The following KIF2A variants were observed in gnomAD, a reference collection of about 807,000 sequenced individuals.
KIF2A encodes kinesin-like protein KIF2A.
In KIF2A, 22 loss-of-function variants were observed where a neutral mutation model predicts 100.2. That is an observed-to-expected ratio of 0.22 (90% confidence interval 0.16 to 0.31). KIF2A has a LOEUF of 0.31. KIF2A is among the 10% of genes least tolerant of loss of function. The probability of loss-of-function intolerance (pLI) is 1.00; values close to 1 mark genes in which losing one functional copy is unlikely to be tolerated. For synonymous variants in KIF2A, 268 were observed against 285.9 expected (o/e 0.94, Z 0.63); for missense variants, 495 against 898.7 (o/e 0.55, Z 5.74).
intron 16 of KIF2A, among the ~76,000 whole-genome samples, chr5:62,368,397 T>C (rs374209730): frequency 7.2e-5 from 11 of 152,140 alleles, no homozygotes; most frequent in African/African-American, 2.7e-4. Context: ...CTAAAGGGAT[T>C]TTCTTAATGG....
intron 16 of KIF2A, among the ~76,000 whole-genome samples, chr5:62,371,502 TG>T (rs943093196): frequency 2.2e-4 from 34 of 152,340 alleles, no homozygotes; most frequent in Admixed American, 4.6e-4. Flanking sequence ...TCAGAGAATA[TG>T]GTTATTATAT....
At chr5:62,306,569 C>T (rs747181807) in intron 1 of KIF2A, 33 bp downstream of exon 1, 37 of 1,530,028 alleles carry the variant, frequency 2.4e-5, no homozygotes, top group East Asian at 7.5e-5. Context: ...CTGGCCCGCT[C>T]GGCCCCGTGT....
rs1747815797 is a variant in KIF2A at position 62,350,882 on chromosome 5, A to G, written c.334+762A>G. On this transcript the variant is annotated intron_variant, in intron 4 of 20. Transcript: ENST00000407818. ...AGCCAAGATCGCACGACTGCACTCC[A>G]GTCTGGGCGACAGAGCGAGACTCCA... 2.0e-5 allele frequency among the ~76,000 whole-genome samples: 3 copies of G among 151,062 alleles called. No homozygotes were observed. The South Asian group carries it at 6.3e-4, about 32-fold the overall frequency.
At chr5:62,320,652 T>C (rs2111805977) in intron 1 of KIF2A, among the ~76,000 whole-genome samples, 1 of 152,186 alleles carries the variant, frequency 6.6e-6, no homozygotes, top group East Asian at 1.9e-4. Context: ...AGAAAACACC[T>C]AAGTTCTGGT....
At chr5:62,323,006 C>T (rs1358029373) in intron 1 of KIF2A, among the ~76,000 whole-genome samples, 2 of 149,742 alleles carry the variant, frequency 1.3e-5, no homozygotes, top group Non-Finnish European at 3.0e-5. Flanking sequence ...CCTGTAATCC[C>T]AGCACTTTGG....
At chr5:62,370,451 G>A (rs1379987538) in intron 16 of KIF2A, among the ~76,000 whole-genome samples, 11 of 152,010 alleles carry the variant, frequency 7.2e-5, no homozygotes, top group East Asian at 1.9e-4. Flanking sequence ...CCGTCACCAC[G>A]CCCAGCTAAT....
intron 1 of KIF2A, among the ~76,000 whole-genome samples, chr5:62,324,603 A>G (rs1746269325): frequency 6.6e-6 from 1 of 152,208 alleles, no homozygotes; most frequent in African/African-American, 2.4e-5. Context: ...ATAGCAAGCA[A>G]CGGGGAAAGG....
chr5:62,307,345 T>A, intron 1 of KIF2A: 1 of 151,830 alleles, frequency 6.6e-6, no homozygotes, highest in East Asian at 1.9e-4. Context: ...CTGAGAAAAG[T>A]GTAAGGCGAG....
At chr5:62,313,669 A>G (rs983819747) in intron 1 of KIF2A, among the ~76,000 whole-genome samples, 7 of 152,230 alleles carry the variant, frequency 4.6e-5, no homozygotes, top group Non-Finnish European at 7.4e-5. Context: ...AGAGTTCTTA[A>G]TACAGCATTA....
intron 1 of KIF2A, chr5:62,308,288 C>CTGT (rs1420435153): frequency 4.5e-6 from 6 of 1,325,802 alleles, no homozygotes; most frequent in Non-Finnish European, 5.9e-6. Context: ...TGAAAGAGTG[C>CTGT]TGTTAATGTC....
At chr5:62,332,799 T>C (rs2111851049) in intron 1 of KIF2A, among the ~76,000 whole-genome samples, 1 of 152,306 alleles carries the variant, frequency 6.6e-6, no homozygotes. Context: ...TACAATGAGA[T>C]TAACAAATCA....
At chr5:62,345,399 G>T (rs1465374468) in intron 1 of KIF2A, among the ~76,000 whole-genome samples, 3 of 150,386 alleles carry the variant, frequency 2.0e-5, no homozygotes, top group African/African-American at 7.3e-5. Flanking sequence ...AAAAAAAAAA[G>T]AGCTGGGCAT....
At chr5:62,346,525 A>C (rs1747578826) in intron 1 of KIF2A, among the ~76,000 whole-genome samples, 1 of 152,146 alleles carries the variant, frequency 6.6e-6, no homozygotes, top group Non-Finnish European at 1.5e-5. Context: ...GGATCACTCG[A>C]GGCCAGGATT....
In KIF2A at chr5:62,358,360, G is replaced by C. The variant is rs35009; in HGVS notation, c.872+61G>C. The C allele has an allele frequency of 0.25, 266,132 of 1,075,816 alleles. 33,296 individuals are homozygous for C. Among genetic ancestry groups the C allele is most frequent in the East Asian group, 0.27 (10,141 of 37,506 alleles). 66.6% of individuals were successfully genotyped at this position (1,075,816 alleles called of 1,614,324 possible). Reference sequence around the variant, plus strand: ...TATGCCATGTGGTCATCAGCACCTTGAAATTTACATTGATTGTGGGATATT... The same window carrying C: ...TATGCCATGTGGTCATCAGCACCTTCAAATTTACATTGATTGTGGGATATT... On this transcript the variant is annotated intron_variant, in intron 9 of 20. Transcript: ENST00000407818.
chr5:62,308,180 T>G (rs1324193096), intron 1 of KIF2A: 2 of 390,156 alleles, frequency 5.1e-6, no homozygotes, highest in African/African-American at 4.1e-5. Context: ...ATTATACCGC[T>G]TAGAGCTTTA....
chr5:62,352,877 G>C (rs913922924), intron 5 of KIF2A, 167 bp downstream of exon 5: 2 of 538,784 alleles, frequency 3.7e-6, no homozygotes, highest in Non-Finnish European at 6.1e-6. Context: ...TCTGTTAATT[G>C]GGTTTTTTAA....
At position 62,355,147 on chromosome 5, in the gene KIF2A, G is replaced by C. The variant is rs1310742741; in HGVS notation, c.559-12G>C. 7 of 1,196,028 alleles carry C rather than the reference G, an allele frequency of 5.9e-6. No homozygotes were observed. The Middle Eastern group carries it at 5.9e-4, about 102-fold the overall frequency. 74.1% of individuals were successfully genotyped at this position (1,196,028 alleles called of 1,614,324 possible). ...ATATTTATAATGGTGAATTCTCTCTGTCTTCTAATAGGACGTTGATGCTAC... is the reference window on the plus strand; with the variant it reads ...ATATTTATAATGGTGAATTCTCTCTCTCTTCTAATAGGACGTTGATGCTAC... On this transcript the variant is annotated splice_polypyrimidine_tract_variant and intron_variant, in intron 6 of 20. Coordinates refer to ENST00000407818, the MANE Select transcript of KIF2A (RefSeq NM_001098511.3).
intron 20 of KIF2A, among the ~76,000 whole-genome samples, chr5:62,384,922 C>T (rs1741945985): frequency 6.6e-6 from 1 of 152,178 alleles, no homozygotes; most frequent in Non-Finnish European, 1.5e-5. Flanking sequence ...GCGGGCAGAT[C>T]ACCTGAGGTT....
chr5:62,313,601 C>T (rs1005967750), intron 1 of KIF2A, among the ~76,000 whole-genome samples: 3 of 152,116 alleles, frequency 2.0e-5, no homozygotes, highest in East Asian at 1.9e-4. Context: ...GGTCCACCCA[C>T]CTCAGCCTCC....
Sources: allele counts gnomAD v4.1 joint callset (sites outside exome capture counted in the v4.1 genomes callset), GRCh38; gene constraint gnomAD v4.1.1; transcripts MANE v1.5; gene names NCBI Gene and HGNC (gene_info 2026-07-23, HGNC 2026-07-21).